Variants in TBCD observed in about 807,000 individuals in gnomAD.
TBCD encodes the protein tubulin-specific chaperone D.
Under a neutral mutation model 169.3 loss-of-function variants are expected in TBCD, and 105 were observed. That is an observed-to-expected ratio of 0.62 (90% CI 0.53 to 0.73). TBCD has a LOEUF of 0.73. TBCD is among the 30% of genes least tolerant of loss of function. The pLI is 0.00. For missense variants in TBCD, 1,444 were observed against 1,600.1 expected (o/e 0.90, Z 1.66); for synonymous variants, 700 against 643.9 (o/e 1.09, Z -1.32).
chr17:82,753,390 C>T (rs2047219035), intron 1 of TBCD, among the ~76,000 whole-genome samples: 1 of 150,318 alleles, frequency 6.7e-6, no homozygotes, highest in Non-Finnish European at 1.5e-5. Flanking sequence ...GACCCTCATC[C>T]AGGGACCAGT....
At chr17:82,822,612 A>G (rs1349174469) in intron 13 of TBCD, among the ~76,000 whole-genome samples, 2 of 152,214 alleles carry the variant, frequency 1.3e-5, no homozygotes, top group East Asian at 3.9e-4. Flanking sequence ...ATAAAGTCAG[A>G]TACTGGGGAA....
chr17:82,785,745 AG>A (rs2049268957), intron 7 of TBCD, among the ~76,000 whole-genome samples: 1 of 143,802 alleles, frequency 7.0e-6, no homozygotes, highest in Non-Finnish European at 1.5e-5. Context: ...TCGCAGCGGG[AG>A]GGGGGTCCAT....
chr17:82,856,669 C>T (rs965601851), intron 13 of TBCD, among the ~76,000 whole-genome samples: 3 of 152,210 alleles, frequency 2.0e-5, no homozygotes, highest in Non-Finnish European at 4.4e-5. Context: ...CGTTTGCGTA[C>T]AAGTGTCTGT....
intron 2 of TBCD, among the ~76,000 whole-genome samples, chr17:82,759,884 G>GTTTTTTTTTTTTTTTTTTTTTTTTTT (rs200933847): frequency 8.3e-6 from 1 of 121,138 alleles, no homozygotes; most frequent in African/African-American, 3.4e-5. Flanking sequence ...CATTTCGTTT[G>GTTTTTTTTTTTTTTTTTTTTTTTTTT]TTTGTTTTTT....
At chr17:82,935,579 C>T (rs985041805) in intron 34 of TBCD, among the ~76,000 whole-genome samples, 2 of 149,636 alleles carry the variant, frequency 1.3e-5, no homozygotes, top group African/African-American at 2.5e-5. Flanking sequence ...TTTCTGTTAA[C>T]GCTTACCCTA....
At chr17:82,940,221 G>GCGCACA (rs1356825330) in intron 37 of TBCD, among the ~76,000 whole-genome samples, 5,593 of 131,766 alleles carry the variant, frequency 0.042, 202 homozygotes, top group African/African-American at 0.097. Context: ...TTGCACGCGC[G>GCGCACA]CACACACACA....
chr17:82,858,425 G>T, intron 13 of TBCD: 1 of 237,496 alleles, frequency 4.2e-6, no homozygotes, highest in Non-Finnish European at 6.8e-6. Context: ...GTTGTCTTCC[G>T]TGTTTTTGCT....
chr17:82,765,768 A>C (rs2047989071), intron 3 of TBCD, among the ~76,000 whole-genome samples: 1 of 152,210 alleles, frequency 6.6e-6, no homozygotes, highest in South Asian at 2.1e-4. Context: ...GAACATATTT[A>C]ATGACTGATT....
In TBCD at chr17:82,831,151, T is replaced by G. The variant is rs1224082122; in HGVS notation, c.1318+16217T>G. 14 of 1,613,956 alleles carry G rather than the reference T, an allele frequency of 8.7e-6. No individual in the cohort carries two copies. Among genetic ancestry groups the G allele is most frequent in the Non-Finnish European group, 1.2e-5 (14 of 1,180,014 alleles). ...TCCCAGTGCGCTGGAGGCTGCCTTG[T>G]TGGAGAGGTCGTACAGGCCTTCGCA... On this transcript the variant is annotated intron_variant, in intron 13 of 38. Coordinates refer to ENST00000355528, the MANE Select transcript of TBCD (RefSeq NM_005993.5). The surrounding 1 kb of genome is among the most constrained non-coding windows in gnomAD (Gnocchi z 4.6).
chr17:82,941,812 CCCT>C (rs758823970), intron 38 of TBCD: 13 of 366,460 alleles, frequency 3.5e-5, no homozygotes, highest in African/African-American at 1.1e-4. Flanking sequence ...GCCACCCTAC[CCCT>C]CCTCATCTGC....
At chr17:82,905,445 G>T (rs2060174642) in intron 19 of TBCD, among the ~76,000 whole-genome samples, 1 of 152,250 alleles carries the variant, frequency 6.6e-6, no homozygotes, top group East Asian at 1.9e-4. Context: ...AGGGATGCCA[G>T]TGTGGGCGGG....
chr17:82,796,316 C>T (rs959652680), intron 7 of TBCD, among the ~76,000 whole-genome samples: 1 of 152,220 alleles, frequency 6.6e-6, no homozygotes, highest in African/African-American at 2.4e-5. Flanking sequence ...TTAGATACAT[C>T]TGGACTGGTG....
chr17:82,931,620 T>C (rs1265456525), intron 33 of TBCD, among the ~76,000 whole-genome samples: 1 of 152,224 alleles, frequency 6.6e-6, no homozygotes, highest in Non-Finnish European at 1.5e-5. Flanking sequence ...GCATCGGGGC[T>C]GTTGCTGGTA....
In TBCD at chr17:82,893,608, G is replaced by C. The variant is rs1255699497; in HGVS notation, c.1625G>C (p.Arg542Thr). The C allele has an allele frequency of 2.5e-6, 4 of 1,610,538 alleles. No homozygotes were observed. The highest frequency in any genetic ancestry group is 3.4e-6 in the Non-Finnish European group (4 of 1,178,264). Residue 542 changes from arginine (R) to threonine (T), a missense_variant, in exon 17 of 39, where the codon AGA becomes ACA. Arg to Thr is a moderately conservative substitution (Grantham distance 71). Coordinates refer to ENST00000355528, the MANE Select transcript of TBCD (RefSeq NM_005993.5). ...GCTGACTATTTTGCCGTCGGTAACA[G>C]ATCCAACTGTTTCCTGGTTATAAGG... is the stretch of plus-strand genomic sequence containing the variant. ...TTADYFAVGNRSNCFLVISVF... is the reference protein window; with the variant it reads ...TTADYFAVGNTSNCFLVISVF...
intron 37 of TBCD, among the ~76,000 whole-genome samples, chr17:82,939,874 G>A (rs781058934): frequency 1.2e-4 from 19 of 152,170 alleles, no homozygotes; most frequent in Non-Finnish European, 1.8e-4. Flanking sequence ...AGGCACAGGC[G>A]GAAATAAGAA....
rs1306370170 is a variant in TBCD, at chr17:82,832,311, A to G, written c.1318+17377A>G. ...ATACTAAAGTAATCGAGTTTTTACAAAGACCATACTTCATGTGATTAAAAA... is the reference window on the plus strand; with the variant it reads ...ATACTAAAGTAATCGAGTTTTTACAGAGACCATACTTCATGTGATTAAAAA... On this transcript the variant is annotated intron_variant, in intron 13 of 38. Coordinates refer to ENST00000355528, the MANE Select transcript of TBCD (RefSeq NM_005993.5). The surrounding 1 kb of genome is among the most constrained non-coding windows in gnomAD (Gnocchi z 4.9). 6.2e-7 allele frequency: 1 copy of G among 1,614,124 alleles called. No individual in the cohort carries two copies. The highest frequency in any genetic ancestry group is 8.5e-7 in the Non-Finnish European group (1 of 1,180,050).
At position 82,831,333 on chromosome 17, in the gene TBCD, G is replaced by T. The variant is rs369627802; in HGVS notation, c.1318+16399G>T. On this transcript the variant is annotated intron_variant, in intron 13 of 38. Coordinates refer to ENST00000355528, the MANE Select transcript of TBCD (RefSeq NM_005993.5). The surrounding 1 kb of genome is among the most constrained non-coding windows in gnomAD (Gnocchi z 4.6). ...CAGGAATTGGACTTTCGAACTCGAC[G>T]TGTTTTCTGTTGGGGTCCGAAGGGT... The T allele has an allele frequency of 1.2e-6, 2 of 1,614,030 alleles. No homozygotes were observed. The highest frequency in any genetic ancestry group is 2.2e-5 in the East Asian group (1 of 44,874).
chr17:82,918,602 G>C (rs2061219481), intron 23 of TBCD: 1 of 152,176 alleles, frequency 6.6e-6, no homozygotes, highest in South Asian at 2.1e-4. Flanking sequence ...ATTCCTGTGC[G>C]AGATGTGGGT....
intron 36 of TBCD, among the ~76,000 whole-genome samples, chr17:82,938,448 A>T (rs1414237623): frequency 6.6e-6 from 1 of 152,228 alleles, no homozygotes; most frequent in East Asian, 1.9e-4. Flanking sequence ...ACCTAGGGGC[A>T]GTGCCCTTCA....
Sources: allele counts gnomAD v4.1 joint callset (sites outside exome capture counted in the v4.1 genomes callset), GRCh38; gene constraint gnomAD v4.1.1; non-coding constraint Gnocchi (gnomAD v3.1); transcripts MANE v1.5; gene names NCBI Gene and HGNC (gene_info 2026-07-23, HGNC 2026-07-21).